ZFYVE27: variants seen among roughly 807,000 people sequenced by gnomAD.
ZFYVE27 encodes the protein zinc finger FYVE-type containing 27.
ZFYVE27 carries 36 observed loss-of-function variants against 52.8 expected under a neutral mutation model. That is an observed-to-expected ratio of 0.68 (90% CI 0.52 to 0.90). The LOEUF is 0.90. Among genes scored for constraint, ZFYVE27 ranks in the 40% least tolerant of loss-of-function variants. The pLI is 0.00. For missense variants in ZFYVE27, 450 were observed against 527.2 expected, an observed-to-expected ratio of 0.85 and a Z score of 1.43; for synonymous variants, 223 against 215.6, an observed-to-expected ratio of 1.03 and a Z score of -0.30.
At chr10:97,745,744 A>C (rs552451175) in intron 4 of ZFYVE27, among the ~76,000 whole-genome samples, 6 of 152,316 alleles carry the variant, frequency 3.9e-5, no homozygotes, top group African/African-American at 1.4e-4. Context: ...CACTGTGGAG[A>C]AACTTCGTAA....
At chr10:97,749,611 TGG>T in intron 6 of ZFYVE27, 25 bp downstream of exon 6, 1 of 1,596,190 alleles carries the variant, frequency 6.3e-7, no homozygotes, top group South Asian at 1.1e-5. Context: ...GCCTGAAAGA[TGG>T]GGCCCAAGCT....
Position 97,745,639 on chromosome 10 carries a change from G to A in ZFYVE27, c.455+724G>A, listed in dbSNP as rs529773951. On this transcript the variant is annotated intron_variant, in intron 4 of 12. Transcript: ENST00000684270. ...TCTCAAGTTTCTCATCTGTTAAATG[G>A]AATGATAACAGGGCTTACTCAGAAG... Among the ~76,000 whole-genome samples, 14 of 152,322 alleles carry A rather than the reference G, an allele frequency of 9.2e-5. No homozygotes were observed. The East Asian group carries it at 2.3e-3, about 25-fold the overall frequency.
At chr10:97,755,144 G>T (rs1406246305) in intron 10 of ZFYVE27, among the ~76,000 whole-genome samples, 1 of 152,202 alleles carries the variant, frequency 6.6e-6, no homozygotes, top group Non-Finnish European at 1.5e-5. Context: ...GATGGCAAGG[G>T]CAGAAAGTGC....
chr10:97,739,885 G>GTTTTTTTGTTTTTTGTT (rs1554886947), intron 2 of ZFYVE27, among the ~76,000 whole-genome samples: 2 of 137,270 alleles, frequency 1.5e-5, no homozygotes, highest in African/African-American at 2.7e-5. Flanking sequence ...TTAGAAAAGT[G>GTTTTTTTGTTTTTTGTT]TTTTTTTTTT....
intron 1 of ZFYVE27, among the ~76,000 whole-genome samples, chr10:97,737,606 T>C (rs2042443910): frequency 6.6e-6 from 1 of 152,236 alleles, no homozygotes; most frequent in African/African-American, 2.4e-5. Context: ...CGTTGGCCCC[T>C]TTGTCCCATC....
Position 97,757,347 on chromosome 10 carries a change from T to C in ZFYVE27, c.1089+36T>C, listed in dbSNP as rs778904137. On this transcript the variant is annotated intron_variant, in intron 11 of 12. Coordinates refer to ENST00000684270, the MANE Select transcript of ZFYVE27 (RefSeq NM_001385875.1). The stretch of plus-strand genomic sequence containing the variant: ...GTGAGGGTGCATTTGTTGGGGACAG[T>C]GTCCTTGGGACTGTCGGGTGGGGAG... The C allele has an allele frequency of 2.5e-6, 4 of 1,614,022 alleles. No individual in the cohort carries two copies. The Admixed American group carries it at 5.0e-5, about 20-fold the overall frequency.
chr10:97,750,763 T>C (rs2046757992), intron 7 of ZFYVE27, among the ~76,000 whole-genome samples: 1 of 151,120 alleles, frequency 6.6e-6, no homozygotes. Flanking sequence ...TTTTTTGAGA[T>C]AAGGCCTCCC....
At chr10:97,749,192 G>C (rs1181423550) in intron 5 of ZFYVE27, among the ~76,000 whole-genome samples, 1 of 152,184 alleles carries the variant, frequency 6.6e-6, no homozygotes, top group African/African-American at 2.4e-5. Context: ...TCTTACTCTA[G>C]ACTTCAGAGT....
At chr10:97,743,876 C>A (rs2136021426) in intron 3 of ZFYVE27, among the ~76,000 whole-genome samples, 1 of 152,326 alleles carries the variant, frequency 6.6e-6, no homozygotes, top group African/African-American at 2.4e-5. Flanking sequence ...CAGATGGCCA[C>A]ATAAAAAGCC....
intron 8 of ZFYVE27, among the ~76,000 whole-genome samples, 194 bp downstream of exon 8, chr10:97,751,656 C>T (rs766408540): frequency 1.3e-5 from 2 of 152,206 alleles, no homozygotes; most frequent in Non-Finnish European, 2.9e-5. Context: ...GTCCTGGGTG[C>T]CCAGGGCAAG....
At chr10:97,758,754 C>T (rs139831868) in intron 12 of ZFYVE27, among the ~76,000 whole-genome samples, 166 of 152,218 alleles carry the variant, frequency 1.1e-3, no homozygotes, top group African/African-American at 3.8e-3. Flanking sequence ...ACTGTTAAAA[C>T]ATTTTGGGAA....
intron 5 of ZFYVE27, among the ~76,000 whole-genome samples, chr10:97,749,081 C>G (rs1484163597): frequency 1.3e-5 from 2 of 152,186 alleles, no homozygotes; most frequent in Non-Finnish European, 2.9e-5. Context: ...TAGGTAGGCG[C>G]TACTTCAGTC....
rs2049177397 is a variant in ZFYVE27, at chr10:97,759,319, A to G, written c.*19A>G. The G allele has an allele frequency of 5.0e-6, 8 of 1,614,108 alleles. No individual in the cohort carries two copies. The highest frequency in any genetic ancestry group is 5.1e-6 in the Non-Finnish European group (6 of 1,179,990). On this transcript the variant is annotated 3_prime_UTR_variant, in exon 13 of 13. Transcript: ENST00000684270. Reference sequence around the variant, plus strand: ...CAAGTGAGAAGAGAGGCCAGGGTCCAACCAGGCACCCGTCCTTGGGACCAG... The same window carrying G: ...CAAGTGAGAAGAGAGGCCAGGGTCCGACCAGGCACCCGTCCTTGGGACCAG...
In ZFYVE27 at chr10:97,758,611, C is replaced by T. The variant is rs149543014; in HGVS notation, c.1172-625C>T. On this transcript the variant is annotated intron_variant, in intron 12 of 12. Coordinates refer to ENST00000684270, the MANE Select transcript of ZFYVE27 (RefSeq NM_001385875.1). ...TGCTGGGATTACAGGCGTGAGCCAC[C>T]GCCCCCAGCCCAAGTTCTTTTTTCT... Among the ~76,000 whole-genome samples the T allele has an allele frequency of 2.7e-4, 41 of 152,290 alleles. 1 individual carries two copies. The highest frequency in any genetic ancestry group is 7.7e-4 in the African/African-American group (32 of 41,560).
chr10:97,747,927 T>TA (rs2045914213), intron 4 of ZFYVE27, among the ~76,000 whole-genome samples: 1 of 152,186 alleles, frequency 6.6e-6, no homozygotes, highest in African/African-American at 2.4e-5. Flanking sequence ...AGCTGCTGTG[T>TA]ACCCGTGAGG....
chr10:97,748,323 C>G lies in ZFYVE27; in HGVS notation c.510C>G (p.Ala170=). Residue 170 remains alanine (A), a synonymous_variant, in exon 5 of 13, where the codon GCC becomes GCG. Coordinates refer to ENST00000684270, the MANE Select transcript of ZFYVE27 (RefSeq NM_001385875.1). Reference sequence around the variant, plus strand: ...GCCTGTGCTGCACATGTGAAGCCGCCTACCGCGTGCTGCACTGGGAGAACC... The same window carrying G: ...GCCTGTGCTGCACATGTGAAGCCGCGTACCGCGTGCTGCACTGGGAGAACC... ...LSRLCCTCEA[A]YRVLHWENPV... is the part of the protein sequence containing the mutation. 6 of 1,614,202 alleles carry G rather than the reference C, an allele frequency of 3.7e-6. No homozygotes were observed. Among genetic ancestry groups the G allele is most frequent in the Non-Finnish European group, 5.1e-6 (6 of 1,180,038 alleles).
At chr10:97,742,226 C>T (rs1226582807) in intron 2 of ZFYVE27, among the ~76,000 whole-genome samples, 1 of 152,036 alleles carries the variant, frequency 6.6e-6, no homozygotes, top group Non-Finnish European at 1.5e-5. Flanking sequence ...AGTGGCTCAC[C>T]TATATATTGA....
intron 10 of ZFYVE27, chr10:97,754,915 C>G: frequency 1.0e-5 from 9 of 871,860 alleles, no homozygotes; most frequent in Non-Finnish European, 1.2e-5. Context: ...GAGTGCTTTG[C>G]CCAGAGACTT....
At chr10:97,742,624 A>C (rs530937393) in intron 2 of ZFYVE27, among the ~76,000 whole-genome samples, 15 of 152,272 alleles carry the variant, frequency 9.9e-5, no homozygotes, top group African/African-American at 3.6e-4. Flanking sequence ...TGGACATAAG[A>C]AGATAAAGGC....
Sources: gnomAD v4.1 joint callset for allele counts (sites outside exome capture counted in the v4.1 genomes callset) on GRCh38, gnomAD v4.1.1 for gene constraint, MANE v1.5 for transcripts, NCBI Gene and HGNC (gene_info 2026-07-23, HGNC 2026-07-21) for gene names.